Variants in DPYD observed in about 807,000 individuals in gnomAD.
DPYD encodes the protein dihydropyrimidine dehydrogenase, also known as dihydropyrimidine dehydrogenase [NADP(+)].
A neutral mutation model predicts 116.2 loss-of-function variants in DPYD; 109 were observed. The ratio of observed to expected loss-of-function variants is 0.94; its 90% confidence interval spans 0.80 to 1.10. The LOEUF (loss-of-function observed/expected upper bound fraction) is 1.10, where lower values mean the gene tolerates loss of function less well. Ranked by LOEUF, DPYD falls within the 50% of genes least tolerant of loss-of-function variation. The probability of loss-of-function intolerance (pLI) is 0.00; values close to 1 mark genes in which losing one functional copy is unlikely to be tolerated. For synonymous variants in DPYD, 440 were observed against 432.0 expected, an observed-to-expected ratio of 1.02 and a Z score of -0.23; for missense variants, 1,302 against 1,254.5, an observed-to-expected ratio of 1.04 and a Z score of -0.57.
Position 97,920,958 on chromosome 1 carries a change from A to T in DPYD, c.-36T>A. On this transcript the variant is annotated 5_prime_UTR_variant, in exon 1 of 23. Coordinates refer to ENST00000370192, the MANE Select transcript of DPYD (RefSeq NM_000110.4). ...ACAGTCTCGAGTCTGCCAGTGACAA[A>T]CCCTCCTTGCGTCCTCAAGCTCCAG... 3.2e-6 allele frequency: 5 copies of T among 1,566,234 alleles called. No individual in the cohort carries two copies. The highest frequency in any genetic ancestry group is 4.3e-6 in the Non-Finnish European group (5 of 1,156,124).
chr1:97,108,416 T>C (rs866697109), intron 20 of DPYD, among the ~76,000 whole-genome samples: 3 of 152,158 alleles, frequency 2.0e-5, no homozygotes, highest in African/African-American at 7.2e-5. Flanking sequence ...GGTTTATGCC[T>C]AGGTGGCATC....
At chr1:97,219,410 T>G (rs1020025566) in intron 19 of DPYD, among the ~76,000 whole-genome samples, 4 of 152,208 alleles carry the variant, frequency 2.6e-5, no homozygotes, top group Non-Finnish European at 4.4e-5. Context: ...TGTGTTAGTC[T>G]GATTTTTGCA....
rs182978025 is a variant in DPYD at position 97,548,755 on chromosome 1, A to G, written c.1524+805T>C. On this transcript the variant is annotated intron_variant, in intron 12 of 22. Coordinates refer to ENST00000370192, the MANE Select transcript of DPYD (RefSeq NM_000110.4). ...TGTCTCAAAAAATATAAAAAAATTA[A>G]ATTTAATTTAATTTAAAAAATAAAA... Among the ~76,000 whole-genome samples, 12 of 152,146 alleles carry G rather than the reference A, an allele frequency of 7.9e-5. No homozygotes were observed. The East Asian group carries it at 2.3e-3, about 29-fold the overall frequency.
At chr1:97,558,074 A>G (rs1218800247) in intron 11 of DPYD, among the ~76,000 whole-genome samples, 1 of 152,206 alleles carries the variant, frequency 6.6e-6, no homozygotes, top group African/African-American at 2.4e-5. Flanking sequence ...CATGGGAATA[A>G]CTAAAGTGAA....
chr1:97,589,941 A>G (rs1654387552), intron 10 of DPYD, among the ~76,000 whole-genome samples: 2 of 152,218 alleles, frequency 1.3e-5, no homozygotes, highest in African/African-American at 4.8e-5. Context: ...AGGAGAAAGA[A>G]GACAATTACT....
At chr1:97,140,325 A>G (rs1654118570) in intron 20 of DPYD, among the ~76,000 whole-genome samples, 1 of 152,116 alleles carries the variant, frequency 6.6e-6, no homozygotes, top group Admixed American at 6.6e-5. Context: ...AGCTGCTGCA[A>G]TATAACTACA....
intron 12 of DPYD, among the ~76,000 whole-genome samples, chr1:97,525,886 G>A (rs968441150): frequency 6.0e-5 from 4 of 66,168 alleles, no homozygotes; most frequent in African/African-American, 1.4e-4. Context: ...GTGTGTGTGT[G>A]CGCGCGCGCG....
chr1:97,103,460 C>T (rs1041167647), intron 20 of DPYD, among the ~76,000 whole-genome samples: 2 of 152,066 alleles, frequency 1.3e-5, no homozygotes, highest in African/African-American at 2.4e-5. Context: ...ACATATTACA[C>T]GTTACCATAG....
At chr1:97,702,624 A>G (rs1029847556) in intron 5 of DPYD, among the ~76,000 whole-genome samples, 4 of 151,922 alleles carry the variant, frequency 2.6e-5, no homozygotes, top group Non-Finnish European at 5.9e-5. Flanking sequence ...ATTCATTATA[A>G]TATGAAGTTA....
chr1:97,799,359 C>G (rs1214811544), intron 3 of DPYD, among the ~76,000 whole-genome samples: 1 of 151,678 alleles, frequency 6.6e-6, no homozygotes, highest in Non-Finnish European at 1.5e-5. Context: ...AAATGATGAC[C>G]CTGATTTGTA....
chr1:97,447,153 T>C (rs1261033356), intron 14 of DPYD, among the ~76,000 whole-genome samples: 1 of 152,184 alleles, frequency 6.6e-6, no homozygotes, highest in Non-Finnish European at 1.5e-5. Flanking sequence ...CTACTGATAT[T>C]AGCTGACCTA....
chr1:97,307,282 T>G (rs1667230273), intron 16 of DPYD, among the ~76,000 whole-genome samples: 2 of 151,904 alleles, frequency 1.3e-5, no homozygotes, highest in Admixed American at 1.3e-4. Flanking sequence ...GTTAAAATGT[T>G]TTTGAATAAA....
intron 11 of DPYD, 80 bp from the exon 12 acceptor site, chr1:97,549,824 A>T: frequency 7.9e-7 from 1 of 1,269,446 alleles, no homozygotes; most frequent in South Asian, 1.4e-5. Flanking sequence ...ATTAAGAAAA[A>T]TTATGGTTTA....
intron 16 of DPYD, among the ~76,000 whole-genome samples, chr1:97,341,882 T>C (rs189502554): frequency 1.3e-5 from 2 of 152,290 alleles, no homozygotes; most frequent in East Asian, 3.9e-4. Flanking sequence ...TGAAATTGGC[T>C]ATAGTGAGAG....
intron 12 of DPYD, among the ~76,000 whole-genome samples, chr1:97,526,647 G>A (rs183989172): frequency 1.3e-5 from 2 of 152,172 alleles, no homozygotes; most frequent in East Asian, 3.9e-4. Flanking sequence ...ATTGTGTTAG[G>A]TGTCTATTTT....
At chr1:97,796,389 A>G (rs1285081721) in intron 3 of DPYD, among the ~76,000 whole-genome samples, 1 of 152,122 alleles carries the variant, frequency 6.6e-6, no homozygotes, top group Admixed American at 6.6e-5. Context: ...CTATGAAAAT[A>G]AAACTGGAAT....
intron 13 of DPYD, among the ~76,000 whole-genome samples, chr1:97,487,272 T>TA (rs931567848): frequency 3.3e-5 from 5 of 151,848 alleles, no homozygotes; most frequent in South Asian, 2.1e-4. Context: ...TTATTTAAAT[T>TA]AAAAAAAATA....
At chr1:97,756,657 A>T (rs1318740876) in intron 3 of DPYD, among the ~76,000 whole-genome samples, 1 of 152,100 alleles carries the variant, frequency 6.6e-6, no homozygotes, top group Non-Finnish European at 1.5e-5. Context: ...AACCCCACAG[A>T]GAGGAAATTG....
At chr1:97,518,672 A>G (rs1350329181) in intron 12 of DPYD, among the ~76,000 whole-genome samples, 1 of 152,084 alleles carries the variant, frequency 6.6e-6, no homozygotes, top group Non-Finnish European at 1.5e-5. Context: ...TAGATTTTCA[A>G]TTTCAGAAAA....
Sources: gnomAD v4.1 joint callset for allele counts (sites outside exome capture counted in the v4.1 genomes callset) on GRCh38, gnomAD v4.1.1 for gene constraint, MANE v1.5 for transcripts, NCBI Gene and HGNC (gene_info 2026-07-23, HGNC 2026-07-21) for gene names.